The following BIRC6 variants were observed in gnomAD, a reference collection of about 807,000 sequenced individuals.
BIRC6 encodes baculoviral IAP repeat containing 6, also known as dual E2 ubiquitin-conjugating enzyme/E3 ubiquitin-protein ligase BIRC6.
A neutral mutation model predicts 503.3 loss-of-function variants in BIRC6; 98 were observed. The ratio of observed to expected loss-of-function variants is 0.19; its 90% CI spans 0.17 to 0.23. The LOEUF is 0.23. Among genes scored for constraint, BIRC6 ranks in the 10% least tolerant of loss-of-function variants. BIRC6 has a pLI of 1.00. For missense variants in BIRC6, 5,360 were observed against 5,806.0 expected (o/e 0.92, Z 2.50); for synonymous variants, 2,240 against 2,078.7 (o/e 1.08, Z -2.11).
At chr2:32,513,277 T>C in intron 54 of BIRC6, 123 bp downstream of exon 54, 1 of 677,710 alleles carries the variant, frequency 1.5e-6, no homozygotes, top group South Asian at 2.0e-5. Flanking sequence ...GTAGCAAATA[T>C]AATCAAGTAT....
chr2:32,394,695 G>A (rs563637044), intron 5 of BIRC6, among the ~76,000 whole-genome samples: 3 of 152,154 alleles, frequency 2.0e-5, no homozygotes, highest in Non-Finnish European at 4.4e-5. Flanking sequence ...TTAGCTGGGT[G>A]TCATGAAACA....
chr2:32,455,000 A>G (rs907908041), intron 23 of BIRC6, among the ~76,000 whole-genome samples: 12 of 152,214 alleles, frequency 7.9e-5, no homozygotes, highest in African/African-American at 2.9e-4. Flanking sequence ...TTACACTAGA[A>G]TAGAAACATG....
At chr2:32,552,959 A>C (rs2058525713) in intron 65 of BIRC6, among the ~76,000 whole-genome samples, 1 of 149,918 alleles carries the variant, frequency 6.7e-6, no homozygotes, top group Non-Finnish European at 1.5e-5. Context: ...ATTTAATATC[A>C]TTTAGGAGGC....
chr2:32,376,983 G>T (rs2036883628), intron 1 of BIRC6, among the ~76,000 whole-genome samples: 1 of 152,082 alleles, frequency 6.6e-6, no homozygotes, highest in South Asian at 2.1e-4. Context: ...ATAAGGAGGG[G>T]CACTGCTGTA....
chr2:32,379,221 A>C (rs1264713033), intron 2 of BIRC6: 1 of 152,186 alleles, frequency 6.6e-6, no homozygotes, highest in African/African-American at 2.4e-5. Context: ...CTTTGGATAG[A>C]GAATTAATTA....
chr2:32,391,598 A>T (rs558967250), intron 4 of BIRC6, among the ~76,000 whole-genome samples: 12 of 152,298 alleles, frequency 7.9e-5, no homozygotes, highest in African/African-American at 2.6e-4. Context: ...CTTTGTCATG[A>T]CCTTTACCAC....
chr2:32,523,128 C>T (rs2149839987), intron 57 of BIRC6: 1 of 152,210 alleles, frequency 6.6e-6, no homozygotes, highest in East Asian at 1.9e-4. Context: ...GGAGATGAAC[C>T]TGATCCTTAT....
intron 23 of BIRC6, 90 bp downstream of exon 23, chr2:32,454,032 G>GT: frequency 8.9e-7 from 1 of 1,118,146 alleles, no homozygotes; most frequent in Non-Finnish European, 1.2e-6. Context: ...TTCTAATTAT[G>GT]TAATTTTCAT....
chr2:32,510,505 CT>C lies in BIRC6; in HGVS notation c.10238-18del, dbSNP rs1411376265. The C allele has an allele frequency of 4.9e-6, 7 of 1,435,996 alleles. No homozygotes were observed. Among genetic ancestry groups the C allele is most frequent in the Non-Finnish European group, 6.8e-6 (7 of 1,027,384 alleles). 89.0% of individuals were successfully genotyped at this position (1,435,996 alleles called of 1,614,324 possible). ...AACTTGCTTATTTAGCAAACTTTTT[CT>C]TTGGATTCTTTGTTGCAAGATTTGA... is the stretch of plus-strand genomic sequence containing the variant. On this transcript the variant is annotated intron_variant, in intron 52 of 73. Coordinates refer to ENST00000421745, the MANE Select transcript of BIRC6 (RefSeq NM_016252.4).
intron 13 of BIRC6, among the ~76,000 whole-genome samples, chr2:32,434,237 A>C (rs1379933158): frequency 6.6e-6 from 1 of 152,196 alleles, no homozygotes; most frequent in African/African-American, 2.4e-5. Flanking sequence ...AATTTGTTGC[A>C]TTGAGTTATT....
intron 63 of BIRC6, 53 bp downstream of exon 63, chr2:32,545,913 G>T: frequency 1.3e-6 from 2 of 1,498,148 alleles, no homozygotes; most frequent in Non-Finnish European, 1.8e-6. Context: ...TTTAATTAGG[G>T]AGTACAGAAT....
At chr2:32,362,795 T>A (rs1049347996) in intron 1 of BIRC6, among the ~76,000 whole-genome samples, 4 of 152,174 alleles carry the variant, frequency 2.6e-5, no homozygotes, top group Non-Finnish European at 5.9e-5. Context: ...TTAAAAATTT[T>A]TTTTTTTTTA....
chr2:32,543,954 C>T (rs1348711426), intron 62 of BIRC6, among the ~76,000 whole-genome samples: 4 of 152,174 alleles, frequency 2.6e-5, no homozygotes, highest in Non-Finnish European at 5.9e-5. Context: ...TATTTCTTTA[C>T]TACTCAGCAA....
chr2:32,555,079 T>C (rs1043688783), intron 65 of BIRC6, among the ~76,000 whole-genome samples: 2 of 152,188 alleles, frequency 1.3e-5, no homozygotes, highest in Non-Finnish European at 2.9e-5. Flanking sequence ...TTTGTTGATA[T>C]ACACTGCCTG....
rs141491090 is a variant in BIRC6 at position 32,481,379 on chromosome 2, G to T, written c.7468G>T (p.Asp2490Tyr). 1.2e-6 allele frequency: 2 copies of T among 1,611,474 alleles called. No individual in the cohort carries two copies. The highest frequency in any genetic ancestry group is 1.7e-6 in the Non-Finnish European group (2 of 1,178,492). Residue 2490 changes from aspartate (D) to tyrosine (Y), a missense_variant, in exon 38 of 74, where the codon GAT (aspartate) becomes TAT (tyrosine). Transcript: ENST00000421745. ...DKEIDLELLQ[D>Y]LMEVDIDPLD... Reference sequence around the variant, plus strand: ...AGAAATTGACCTTGAGTTACTTCAGGATCTAATGGAAGTTGACATTGATCC... The same window carrying T: ...AGAAATTGACCTTGAGTTACTTCAGTATCTAATGGAAGTTGACATTGATCC...
Position 32,471,024 on chromosome 2 carries a change from T to C in BIRC6, c.6492T>C (p.Asp2164=). ...GTCATCTCTCTCCAGGAGTACTAGA[T>C]ATTCCCATGATCAGTTGGGTTGTTA... ...PMHRRTEGVL[D]IPMISWVVML... Residue 2164 remains aspartate (D), a synonymous_variant, in exon 32 of 74, where the codon GAT becomes GAC. Transcript: ENST00000421745. 1 of 1,570,682 alleles carries C rather than the reference T, an allele frequency of 6.4e-7. No individual in the cohort carries two copies. Among genetic ancestry groups the C allele is most frequent in the Admixed American group, 1.9e-5 (1 of 53,458 alleles).
intron 3 of BIRC6, 53 bp downstream of exon 3, chr2:32,380,343 C>G: frequency 6.6e-7 from 1 of 1,514,606 alleles, no homozygotes; most frequent in Non-Finnish European, 8.8e-7. Flanking sequence ...TGGACACCTC[C>G]ATTCTTTTGC....
chr2:32,515,891 C>T (rs2054978265), intron 55 of BIRC6, 121 bp downstream of exon 55: 1 of 872,588 alleles, frequency 1.1e-6, no homozygotes, highest in Admixed American at 2.9e-5. Context: ...TGAATTTAAG[C>T]TATAAAGTAC....
chr2:32,385,323 C>T (rs753552105), intron 3 of BIRC6, among the ~76,000 whole-genome samples: 4 of 152,154 alleles, frequency 2.6e-5, no homozygotes, highest in Non-Finnish European at 4.4e-5. Flanking sequence ...AATTCTGAGC[C>T]ACTTGTTTAT....
Sources: allele counts gnomAD v4.1 joint callset (sites outside exome capture counted in the v4.1 genomes callset), GRCh38; gene constraint gnomAD v4.1.1; transcripts MANE v1.5; gene names NCBI Gene and HGNC (gene_info 2026-07-23, HGNC 2026-07-21).